Variants in BRIP1 observed in about 807,000 individuals in gnomAD.
The protein encoded by BRIP1 is BRCA1 interacting DNA helicase 1.
BRIP1 carries 88 observed loss-of-function variants against 119.7 expected under a neutral mutation model. The ratio of observed to expected loss-of-function variants is 0.74; its 90% CI spans 0.62 to 0.88. The LOEUF (loss-of-function observed/expected upper bound fraction) is 0.88. BRIP1 is among the 40% of genes least tolerant of loss of function. The pLI, the probability that BRIP1 is intolerant of heterozygous loss-of-function variation, is 0.00. For synonymous variants in BRIP1, 443 were observed against 496.5 expected (o/e 0.89, Z 1.43); for missense variants, 1,259 against 1,455.4 (o/e 0.87, Z 2.20).
Position 61,795,460 on chromosome 17 carries a change from T to C in BRIP1, c.1341-1731A>G, listed in dbSNP as rs943170996. On this transcript the variant is annotated intron_variant, in intron 9 of 19. Transcript: ENST00000259008. This position sits in a 1 kb window ranked among gnomAD's most constrained non-coding sequence, Gnocchi z 5.6. The stretch of plus-strand genomic sequence containing the variant: ...CTACTCTCTATCTCAATGGATTAAA[T>C]TGTTTTCATTTTTAGATCCCACAAA... Among the ~76,000 whole-genome samples, 10 of 152,078 alleles carry C rather than the reference T, an allele frequency of 6.6e-5. No individual in the cohort carries two copies. Among genetic ancestry groups the C allele is most frequent in the Non-Finnish European group, 1.0e-4 (7 of 67,974 alleles).
intron 6 of BRIP1, among the ~76,000 whole-genome samples, chr17:61,821,866 C>T (rs1263802009): frequency 2.0e-5 from 3 of 152,304 alleles, no homozygotes; most frequent in Non-Finnish European, 4.4e-5. Flanking sequence ...GCTGGGGCTA[C>T]AGGTGAATAT....
In BRIP1 at chr17:61,770,302, G is replaced by C. The variant is rs1252882734; in HGVS notation, c.2097+6099C>G. On this transcript the variant is annotated intron_variant, in intron 14 of 19. Transcript: ENST00000259008. This position sits in a 1 kb window ranked among gnomAD's most constrained non-coding sequence, Gnocchi z 4.7. Reference sequence around the variant, plus strand: ...ACATCAACAGGGCTCCAGTATAACAGCAGAGGATTACAACAGAGAGAGACA... The same window carrying C: ...ACATCAACAGGGCTCCAGTATAACACCAGAGGATTACAACAGAGAGAGACA... Among the ~76,000 whole-genome samples, 1 of 152,150 alleles carries C rather than the reference G, an allele frequency of 6.6e-6. No homozygotes were observed. The highest frequency in any genetic ancestry group is 1.5e-5 in the Non-Finnish European group (1 of 68,016).
At position 61,793,667 on chromosome 17, in the gene BRIP1, C is replaced by T. The variant is rs2145242325; in HGVS notation, c.1403G>A (p.Trp468Ter). Residue 468 changes from tryptophan (W) to a stop codon, truncating the protein, a stop_gained, in exon 10 of 20, where the codon TGG becomes TAG. Coordinates refer to ENST00000259008, the MANE Select transcript of BRIP1 (RefSeq NM_032043.3). LOFTEE classifies it high-confidence loss of function. This position sits in a 1 kb window ranked among gnomAD's most constrained non-coding sequence, Gnocchi z 5.2. ...AGTTAAGAGCATTTCATTTCCACTC[C>T]ATATTTTACAAGCTGATTCATAATC... ...ERDYESACKI[W>*]SGNEMLLTLH... 6.2e-7 allele frequency: 1 copy of T among 1,609,896 alleles called. No homozygotes were observed. Among genetic ancestry groups the T allele is most frequent in the Non-Finnish European group, 8.5e-7 (1 of 1,177,660 alleles).
Position 61,802,936 on chromosome 17 carries a change from C to T in BRIP1, c.919-1462G>A, listed in dbSNP as rs183276837. ...CAACACTGGTGTTATCTTTTGTTATCTCTATCTTAAAAGTAAAAAATAGAA... is the reference window on the plus strand; with the variant it reads ...CAACACTGGTGTTATCTTTTGTTATTTCTATCTTAAAAGTAAAAAATAGAA... On this transcript the variant is annotated intron_variant, in intron 7 of 19. Transcript: ENST00000259008. This position sits in a 1 kb window ranked among gnomAD's most constrained non-coding sequence, Gnocchi z 6.0. Among the ~76,000 whole-genome samples, 184 of 152,266 alleles carry T rather than the reference C, an allele frequency of 1.2e-3. No individual in the cohort carries two copies. The highest frequency in any genetic ancestry group is 2.2e-3 in the Non-Finnish European group (152 of 68,012).
rs1418241363 is a variant in BRIP1 at position 61,720,593 on chromosome 17, T to C, written c.2380-4530A>G. On this transcript the variant is annotated intron_variant, in intron 16 of 19. Transcript: ENST00000259008. This position sits in a 1 kb window ranked among gnomAD's most constrained non-coding sequence, Gnocchi z 4.3. The stretch of plus-strand genomic sequence containing the variant: ...TTGCCCACTGTTCTGAGTAGCATGA[T>C]GACATCTCATGCTATATCCTGCTCC... 6.6e-6 allele frequency among the ~76,000 whole-genome samples: 1 copy of C among 152,158 alleles called. No homozygotes were observed. Among genetic ancestry groups the C allele is most frequent in the African/African-American group, 2.4e-5 (1 of 41,432 alleles).
At position 61,806,563 on chromosome 17, in the gene BRIP1, T is replaced by C. The variant is rs767726860; in HGVS notation, c.918+1904A>G. On this transcript the variant is annotated intron_variant, in intron 7 of 19. Transcript: ENST00000259008. This position sits in a 1 kb window ranked among gnomAD's most constrained non-coding sequence, Gnocchi z 4.9. ...TTTATTTTTACATGATTCAAACTTA[T>C]GAGTAAAGATCAATAAAAACGTAAC... Among the ~76,000 whole-genome samples, 22 of 152,220 alleles carry C rather than the reference T, an allele frequency of 1.4e-4. No homozygotes were observed. The highest frequency in any genetic ancestry group is 2.1e-4 in the South Asian group (1 of 4,828).
At position 61,803,312 on chromosome 17, in the gene BRIP1, G is replaced by T. The variant is rs2078023779; in HGVS notation, c.919-1838C>A. ...TTGCTCAGGCTGGTCTTGAACTCCTGAACTCAAGCGATCCGCCTGCCTCGG... is the reference window on the plus strand; with the variant it reads ...TTGCTCAGGCTGGTCTTGAACTCCTTAACTCAAGCGATCCGCCTGCCTCGG... On this transcript the variant is annotated intron_variant, in intron 7 of 19. Transcript: ENST00000259008. The surrounding 1 kb of genome is among the most constrained non-coding windows in gnomAD (Gnocchi z 4.3). 6.6e-6 allele frequency among the ~76,000 whole-genome samples: 1 copy of T among 152,064 alleles called. No individual in the cohort carries two copies. The highest frequency in any genetic ancestry group is 2.1e-4 in the South Asian group (1 of 4,824).
In BRIP1 at chr17:61,746,996, C is replaced by T. The variant is rs549777254; in HGVS notation, c.2098-2405G>A. 1.3e-5 allele frequency among the ~76,000 whole-genome samples: 2 copies of T among 152,174 alleles called. No individual in the cohort carries two copies. Among genetic ancestry groups the T allele is most frequent in the East Asian group, 3.9e-4 (2 of 5,186 alleles). ...TAATACCAGGTATCTTTTGCAACCA[C>T]AACAGAATCAAACTAAAATTCAGTA... is the stretch of plus-strand genomic sequence containing the variant. On this transcript the variant is annotated intron_variant, in intron 14 of 19. Coordinates refer to ENST00000259008, the MANE Select transcript of BRIP1 (RefSeq NM_032043.3). The surrounding 1 kb of genome is among the most constrained non-coding windows in gnomAD (Gnocchi z 4.9).
rs1364108133 is a variant in BRIP1 at position 61,706,508 on chromosome 17, C to T, written c.2492+9443G>A. Among the ~76,000 whole-genome samples the T allele has an allele frequency of 6.6e-6, 1 of 152,134 alleles. No individual in the cohort carries two copies. Among genetic ancestry groups the T allele is most frequent in the East Asian group, 1.9e-4 (1 of 5,192 alleles). On this transcript the variant is annotated intron_variant, in intron 17 of 19. Transcript: ENST00000259008. The surrounding 1 kb of genome is among the most constrained non-coding windows in gnomAD (Gnocchi z 5.7). ...CCTTTCCCTACCCACCTCCTGTTTA[C>T]AATTCCCATTCCTCAGAAACAATTA...
chr17:61,768,475 T>A lies in BRIP1; in HGVS notation c.2097+7926A>T, dbSNP rs755787903. 1.2e-4 allele frequency among the ~76,000 whole-genome samples: 18 copies of A among 152,224 alleles called. No individual in the cohort carries two copies. The highest frequency in any genetic ancestry group is 1.9e-4 in the Non-Finnish European group (13 of 68,038). ...TTGGAACAATAAGAGTTAGTCTCCA[T>A]CCATTCGTGTGTTTATTCATCAAGC... is the stretch of plus-strand genomic sequence containing the variant. On this transcript the variant is annotated intron_variant, in intron 14 of 19. Transcript: ENST00000259008. The surrounding 1 kb of genome is among the most constrained non-coding windows in gnomAD (Gnocchi z 5.0).
rs569696977 is a variant in BRIP1 at position 61,801,254 on chromosome 17, C to A, written c.1139G>T (p.Ser380Ile). The change falls in exon 8 of 20, where the codon AGT becomes ATT. Residue 380 changes from serine (S) to isoleucine (I), a missense_variant and splice_region_variant. Physicochemically the swap from Ser to Ile is moderately radical, Grantham distance 142. Coordinates refer to ENST00000259008, the MANE Select transcript of BRIP1 (RefSeq NM_032043.3). The stretch of plus-strand genomic sequence containing the variant: ...TCTCATTTTTACACATATACTCACA[C>A]TTTCCCTTATTTGTGCATCTAGAAG... ...NYLLDAQIRE[S>I]MDLNLKEQVV... The A allele has an allele frequency of 1.2e-6, 2 of 1,609,072 alleles. No homozygotes were observed. Among genetic ancestry groups the A allele is most frequent in the African/African-American group, 1.3e-5 (1 of 74,928 alleles).
In BRIP1 at chr17:61,756,144, T is replaced by A. The variant is rs1224646232; in HGVS notation, c.2098-11553A>T. Among the ~76,000 whole-genome samples the A allele has an allele frequency of 6.6e-6, 1 of 152,208 alleles. No homozygotes were observed. Among genetic ancestry groups the A allele is most frequent in the African/African-American group, 2.4e-5 (1 of 41,452 alleles). On this transcript the variant is annotated intron_variant, in intron 14 of 19. Coordinates refer to ENST00000259008, the MANE Select transcript of BRIP1 (RefSeq NM_032043.3). This position sits in a 1 kb window ranked among gnomAD's most constrained non-coding sequence, Gnocchi z 4.3. Reference sequence around the variant, plus strand: ...CCTACAGCAAATTTTCAGTTTCAGATAACAAAATATTTAGGTCTACAGCTT... The same window carrying A: ...CCTACAGCAAATTTTCAGTTTCAGAAAACAAAATATTTAGGTCTACAGCTT...
chr17:61,851,836 G>C lies in BRIP1; in HGVS notation c.380-2580C>G, dbSNP rs1465721685. 6.6e-6 allele frequency among the ~76,000 whole-genome samples: 1 copy of C among 152,104 alleles called. No individual in the cohort carries two copies. Among genetic ancestry groups the C allele is most frequent in the Non-Finnish European group, 1.5e-5 (1 of 68,022 alleles). ...GTAAAATAACCACAAAATAAACCTA[G>C]ATCAGTGATTCTCAACCAGGCCAAT... On this transcript the variant is annotated intron_variant, in intron 4 of 19. Transcript: ENST00000259008. This position sits in a 1 kb window ranked among gnomAD's most constrained non-coding sequence, Gnocchi z 4.6.
rs2078356163 is a variant in BRIP1 at position 61,823,437 on chromosome 17, G to A, written c.628-14680C>T. On this transcript the variant is annotated intron_variant, in intron 6 of 19. Transcript: ENST00000259008. This position sits in a 1 kb window ranked among gnomAD's most constrained non-coding sequence, Gnocchi z 4.8. ...ACTACATTACTTTACTTCTACAGATGAAAACACAATAACTGAAAAGAAAAA... is the reference window on the plus strand; with the variant it reads ...ACTACATTACTTTACTTCTACAGATAAAAACACAATAACTGAAAAGAAAAA... 6.6e-6 allele frequency among the ~76,000 whole-genome samples: 1 copy of A among 152,010 alleles called. No homozygotes were observed. The highest frequency in any genetic ancestry group is 6.5e-5 in the Admixed American group (1 of 15,272).
chr17:61,776,690 G>T lies in BRIP1; in HGVS notation c.1936-128C>A, dbSNP rs2077540419. On this transcript the variant is annotated intron_variant, in intron 13 of 19. Coordinates refer to ENST00000259008, the MANE Select transcript of BRIP1 (RefSeq NM_032043.3). The surrounding 1 kb of genome is among the most constrained non-coding windows in gnomAD (Gnocchi z 5.0). ...CAATTTATTTTTAAATTGTCAGGGG[G>T]TTTTCTATTACCTTCAATTAACTGT... 7.1e-6 allele frequency: 7 copies of T among 979,578 alleles called. No homozygotes were observed. The Admixed American group carries it at 7.7e-5, about 11-fold the overall frequency. The allele number at this position is 979,578 out of a possible 1,614,324, so 60.7% of individuals were successfully genotyped here. A position where few individuals can be genotyped will look rare whatever the true frequency, so the allele number is the denominator to read the frequency against.
In BRIP1 at chr17:61,761,812, T is replaced by C. The variant is rs1197157495; in HGVS notation, c.2097+14589A>G. Reference sequence around the variant, plus strand: ...TCTTTGCTCATAGACTGGAAGAATATTGTTAAAATGTTCATATTACCCAAA... The same window carrying C: ...TCTTTGCTCATAGACTGGAAGAATACTGTTAAAATGTTCATATTACCCAAA... On this transcript the variant is annotated intron_variant, in intron 14 of 19. Transcript: ENST00000259008. This position sits in a 1 kb window ranked among gnomAD's most constrained non-coding sequence, Gnocchi z 6.4. Among the ~76,000 whole-genome samples the C allele has an allele frequency of 6.6e-6, 1 of 152,056 alleles. No homozygotes were observed. The highest frequency in any genetic ancestry group is 6.6e-5 in the Admixed American group (1 of 15,230).
Position 61,683,832 on chromosome 17 carries a change from T to C in BRIP1, c.3214A>G (p.Thr1072Ala), listed in dbSNP as rs756074244. 1.2e-6 allele frequency: 2 copies of C among 1,614,166 alleles called. No homozygotes were observed. Among genetic ancestry groups the C allele is most frequent in the South Asian group, 2.2e-5 (2 of 91,084 alleles). Residue 1072 changes from threonine (T) to alanine (A), a missense_variant, in exon 20 of 20, where the codon ACC becomes GCC. Thr to Ala is a moderately conservative substitution (Grantham distance 58). This residue lies in a region of BRIP1 where 753 missense variants were observed against 891.8 expected (regional missense o/e 0.84). Transcript: ENST00000259008. The surrounding 1 kb of genome is among the most constrained non-coding windows in gnomAD (Gnocchi z 4.7). ...TCAATCTTTAATGATGAAATAATGGTTTCTGATTGAGGGCATGATCCAAAC... is the reference window on the plus strand; with the variant it reads ...TCAATCTTTAATGATGAAATAATGGCTTCTGATTGAGGGCATGATCCAAAC... ...TSFGSCPQSETIISSLKIDAT... is the reference protein window; with the variant it reads ...TSFGSCPQSEAIISSLKIDAT...
At chr17:61,712,765 G>A (rs947499495) in intron 17 of BRIP1, among the ~76,000 whole-genome samples, 2 of 151,994 alleles carry the variant, frequency 1.3e-5, no homozygotes, top group African/African-American at 2.4e-5. Flanking sequence ...TTAGCCAGGC[G>A]TGGTGGTGCG....
At chr17:61,696,425 A>C (rs892161630) in intron 17 of BRIP1, among the ~76,000 whole-genome samples, 1 of 152,000 alleles carries the variant, frequency 6.6e-6, no homozygotes. Flanking sequence ...CTTTTCTCGT[A>C]ATGTATTTTA....
Sources: gnomAD v4.1 joint callset for allele counts (sites outside exome capture counted in the v4.1 genomes callset) on GRCh38, gnomAD v4.1.1 for gene constraint, gnomAD v4.1.1 regional missense constraint, Gnocchi (gnomAD v3.1) non-coding constraint, MANE v1.5 for transcripts, NCBI Gene and HGNC (gene_info 2026-07-23, HGNC 2026-07-21) for gene names.